ZBTB6: variants seen among roughly 807,000 people sequenced by gnomAD.
The protein encoded by ZBTB6 is zinc finger and BTB domain containing 6.
In ZBTB6, 11 loss-of-function variants were observed where a neutral mutation model predicts 30.6. The ratio of observed to expected loss-of-function variants is 0.36; its 90% CI spans 0.23 to 0.60. ZBTB6 has a LOEUF of 0.60. ZBTB6 is among the 20% of genes least tolerant of loss of function. ZBTB6 has a pLI of 0.75. For missense variants in ZBTB6, 380 were observed against 489.4 expected (o/e 0.78, Z 2.11); for synonymous variants, 174 against 172.0 (o/e 1.01, Z -0.09).
rs765684059 is a variant in ZBTB6 at position 122,911,664 on chromosome 9, T to G, written c.409A>C (p.Asn137His). Residue 137 changes from asparagine to histidine, a missense_variant, in exon 2 of 2, where the codon AAC (asparagine) becomes CAC (histidine). By Grantham distance (68) the Asn-to-His change is moderately conservative. Transcript: ENST00000373659. The surrounding 1 kb of genome is among the most constrained non-coding windows in gnomAD (Gnocchi z 4.5). ...GACTGACACAGGTCAGTGTGTTGGT[T>G]GTTGTTTTTCATAGAAAGATCAATT... is the stretch of plus-strand genomic sequence containing the variant. ...LEIDLSMKNN[N>H]QHTDLCQSSD... The G allele has an allele frequency of 2.5e-6, 4 of 1,613,700 alleles. No homozygotes were observed. In the South Asian group the frequency reaches 3.3e-5, roughly 13 times the overall value.
At chr9:122,912,134 C>T (rs769062321) in intron 1 of ZBTB6, 53 bp from the exon 2 acceptor site, 88 of 1,524,452 alleles carry the variant, frequency 5.8e-5, no homozygotes, top group Non-Finnish European at 7.7e-5. Context: ...GAATGCTTTC[C>T]CATGCTGTAA....
chr9:122,911,866 A>T lies in ZBTB6; in HGVS notation c.207T>A (p.His69Gln), dbSNP rs1377247518. 1 of 1,614,208 alleles carries T rather than the reference A, an allele frequency of 6.2e-7. No individual in the cohort carries two copies. The highest frequency in any genetic ancestry group is 8.5e-7 in the Non-Finnish European group (1 of 1,180,034). ...CACTCTGTAAGATGGTGATTCTGAC[A>T]TGTTTTGACTGTGTGAGTAAAAACT... ...RDQFLLTQSK[H>Q]VRITILQSAE... Residue 69 changes from histidine to glutamine, a missense_variant, in exon 2 of 2, where the codon CAT (histidine) becomes CAA (glutamine). His to Gln is a conservative substitution (Grantham distance 24). Coordinates refer to ENST00000373659, the MANE Select transcript of ZBTB6 (RefSeq NM_006626.6). This position sits in a 1 kb window ranked among gnomAD's most constrained non-coding sequence, Gnocchi z 4.5.
chr9:122,908,886 G>C lies in ZBTB6; in HGVS notation c.*1912C>G, dbSNP rs1431989158. 1.3e-5 allele frequency: 2 copies of C among 152,122 alleles called. No homozygotes were observed. Among genetic ancestry groups the C allele is most frequent in the African/African-American group, 2.4e-5 (1 of 41,432 alleles). The allele number at this position is 152,122 out of a possible 1,614,324, so 9.4% of individuals were successfully genotyped here. Reference sequence around the variant, plus strand: ...TAAAGACACAAAACCGTCCTCTCTTGCTTTCCCCTCTTCTGTTCTCAGGAA... The same window carrying C: ...TAAAGACACAAAACCGTCCTCTCTTCCTTTCCCCTCTTCTGTTCTCAGGAA... On this transcript the variant is annotated 3_prime_UTR_variant, in exon 2 of 2. Transcript: ENST00000373659.
At chr9:122,912,689 C>G (rs985622530) in intron 1 of ZBTB6, among the ~76,000 whole-genome samples, 3 of 152,160 alleles carry the variant, frequency 2.0e-5, no homozygotes, top group African/African-American at 7.2e-5. Context: ...ACCTCCGGGA[C>G]AGTCCAGATT....
intron 1 of ZBTB6, among the ~76,000 whole-genome samples, chr9:122,912,903 C>T (rs1377623920): frequency 2.0e-5 from 3 of 152,164 alleles, no homozygotes; most frequent in African/African-American, 7.2e-5. Flanking sequence ...CTCCTTTAAG[C>T]CCAAATCAAG....
rs1300566319 is a variant in ZBTB6, at chr9:122,911,754, C to T, written c.319G>A (p.Ala107Thr). 1.9e-6 allele frequency: 3 copies of T among 1,614,068 alleles called. No homozygotes were observed. Among genetic ancestry groups the T allele is most frequent in the Non-Finnish European group, 2.5e-6 (3 of 1,180,054 alleles). ...RKELLKYLTAASYLQMVHIVE... is the reference protein window; with the variant it reads ...RKELLKYLTATSYLQMVHIVE... ...ATGTGAACCATCTGAAGGTAACTGGCAGCAGTCAAGTATTTCAAAAGCTCT... is the reference window on the plus strand; with the variant it reads ...ATGTGAACCATCTGAAGGTAACTGGTAGCAGTCAAGTATTTCAAAAGCTCT... Residue 107 changes from alanine to threonine, a missense_variant, in exon 2 of 2, where the codon GCC becomes ACC. Transcript: ENST00000373659. The surrounding 1 kb of genome is among the most constrained non-coding windows in gnomAD (Gnocchi z 4.5).
Position 122,909,627 on chromosome 9 carries a change from A to G in ZBTB6, c.*1171T>C, listed in dbSNP as rs1832934020. The stretch of plus-strand genomic sequence containing the variant: ...ATTAATGTAAATGAAAAAATACAAC[A>G]CTAATAGCTACACCTTTTTAAATTG... On this transcript the variant is annotated 3_prime_UTR_variant, in exon 2 of 2. Transcript: ENST00000373659. 1 of 152,248 alleles carries G rather than the reference A, an allele frequency of 6.6e-6. No homozygotes were observed. Among genetic ancestry groups the G allele is most frequent in the African/African-American group, 2.4e-5 (1 of 41,464 alleles). The allele number at this position is 152,248 out of a possible 1,614,324, so 9.4% of individuals were successfully genotyped here.
rs1216777310 is a variant in ZBTB6 at position 122,909,990 on chromosome 9, A to G, written c.*808T>C. 6.6e-6 allele frequency: 1 copy of G among 152,204 alleles called. No homozygotes were observed. The highest frequency in any genetic ancestry group is 1.5e-5 in the Non-Finnish European group (1 of 68,036). 9.4% of individuals were successfully genotyped at this position (152,204 alleles called of 1,614,324 possible). A position where few individuals can be genotyped will look rare whatever the true frequency, so the allele number is the denominator to read the frequency against. ...AAATTTCAATTTTACTTCATGTTAA[A>G]TAAAAAATAAAATAGAGAGGAACTT... On this transcript the variant is annotated 3_prime_UTR_variant, in exon 2 of 2. Transcript: ENST00000373659.
chr9:122,908,627 C>T lies in ZBTB6; in HGVS notation c.*2171G>A, dbSNP rs911613529. ...CCTCCCATCTCCATCCTTCCCCCTT[C>T]CCCCCACGCCATTTTATAATAGGAA... On this transcript the variant is annotated 3_prime_UTR_variant, in exon 2 of 2. Coordinates refer to ENST00000373659, the MANE Select transcript of ZBTB6 (RefSeq NM_006626.6). 1 of 152,320 alleles carries T rather than the reference C, an allele frequency of 6.6e-6. No homozygotes were observed. Among genetic ancestry groups the T allele is most frequent in the Non-Finnish European group, 1.5e-5 (1 of 68,004 alleles). The allele number at this position is 152,320 out of a possible 1,614,324, so 9.4% of individuals were successfully genotyped here.
intron 1 of ZBTB6, among the ~76,000 whole-genome samples, chr9:122,912,327 G>A (rs772836184): frequency 4.6e-5 from 7 of 152,110 alleles, no homozygotes; most frequent in Non-Finnish European, 1.0e-4. Flanking sequence ...GAATTGTAGT[G>A]AACAGTTTCT....
rs781422328 is a variant in ZBTB6, at chr9:122,911,980, T to C, written c.93A>G (p.Leu31=). ...TAATGTAAATTGATACATCACAAAA[T>C]AAATTCTGCTGTCTCAAAAGATTCA... ...QKMNLLRQQN[L]FCDVSIYIND... The change falls in exon 2 of 2, where the codon TTA becomes TTG. Residue 31 remains leucine, a synonymous_variant. Transcript: ENST00000373659. The surrounding 1 kb of genome is among the most constrained non-coding windows in gnomAD (Gnocchi z 4.5). 1.2e-6 allele frequency: 2 copies of C among 1,614,174 alleles called. No homozygotes were observed. Among genetic ancestry groups the C allele is most frequent in the South Asian group, 2.2e-5 (2 of 91,080 alleles).
At position 122,911,280 on chromosome 9, in the gene ZBTB6, C is replaced by A; in HGVS notation, c.793G>T (p.Ala265Ser). 1 of 1,614,096 alleles carries A rather than the reference C, an allele frequency of 6.2e-7. No individual in the cohort carries two copies. ...LINSTVESRVAEVPGNQDQGL... is the reference protein window; with the variant it reads ...LINSTVESRVSEVPGNQDQGL... Reference sequence around the variant, plus strand: ...TGATCTTGATTCCCAGGAACTTCAGCCACTCTGCTCTCAACTGTAGAATTG... The same window carrying A: ...TGATCTTGATTCCCAGGAACTTCAGACACTCTGCTCTCAACTGTAGAATTG... The change falls in exon 2 of 2, where the codon GCT (alanine) becomes TCT (serine). Residue 265 changes from alanine to serine, a missense_variant. Transcript: ENST00000373659. This position sits in a 1 kb window ranked among gnomAD's most constrained non-coding sequence, Gnocchi z 4.5.
chr9:122,912,174 T>A, intron 1 of ZBTB6, 93 bp from the exon 2 acceptor site: 1 of 1,264,034 alleles, frequency 7.9e-7, no homozygotes, highest in Non-Finnish European at 1.1e-6. Flanking sequence ...ACCCCAAACC[T>A]GAATTAGGAA....
intron 1 of ZBTB6, among the ~76,000 whole-genome samples, 200 bp from the exon 2 acceptor site, chr9:122,912,281 C>T (rs1174319136): frequency 6.6e-6 from 1 of 152,164 alleles, no homozygotes; most frequent in Admixed American, 6.5e-5. Context: ...TCTCATAGCA[C>T]ATTTTTCATA....
intron 1 of ZBTB6, among the ~76,000 whole-genome samples, chr9:122,912,771 C>T (rs929540957): frequency 6.6e-6 from 1 of 152,196 alleles, no homozygotes; most frequent in Non-Finnish European, 1.5e-5. Context: ...ACCTTCTATT[C>T]TCTTTTTCAT....
At position 122,908,257 on chromosome 9, in the gene ZBTB6, AAT is replaced by A. The variant is rs745880679; in HGVS notation, c.*2539_*2540del. Reference sequence around the variant, plus strand: ...ATATCAGAAACATAAACTAAATGTGAATATGTTAAATGAATAAATTCTATACT... The same window carrying A: ...ATATCAGAAACATAAACTAAATGTGAATGTTAAATGAATAAATTCTATACT... On this transcript the variant is annotated 3_prime_UTR_variant, in exon 2 of 2. Transcript: ENST00000373659. 1 of 152,234 alleles carries A rather than the reference AAT, an allele frequency of 6.6e-6. No individual in the cohort carries two copies. Among genetic ancestry groups the A allele is most frequent in the African/African-American group, 2.4e-5 (1 of 41,458 alleles). The allele number at this position is 152,234 out of a possible 1,614,324, so 9.4% of individuals were successfully genotyped here.
chr9:122,911,338 G>A lies in ZBTB6; in HGVS notation c.735C>T (p.Ser245=). The part of the protein sequence containing the change: ...FSQPCTSSKA[S]MYFSETQHSL... ...AATGCTGTGTTTCAGAGAAATACATGCTTGCTTTTGAAGAGGTACAAGGCT... is the reference window on the plus strand; with the variant it reads ...AATGCTGTGTTTCAGAGAAATACATACTTGCTTTTGAAGAGGTACAAGGCT... Residue 245 remains serine (S), a synonymous_variant, in exon 2 of 2, where the codon AGC becomes AGT. Transcript: ENST00000373659. This position sits in a 1 kb window ranked among gnomAD's most constrained non-coding sequence, Gnocchi z 4.5. 6.2e-7 allele frequency: 1 copy of A among 1,614,122 alleles called. No individual in the cohort carries two copies. The highest frequency in any genetic ancestry group is 1.3e-5 in the African/African-American group (1 of 75,046).
rs1167398121 is a variant in ZBTB6 at position 122,912,020 on chromosome 9, A to G, written c.53T>C (p.Val18Ala). 5.6e-6 allele frequency: 9 copies of G among 1,614,000 alleles called. No homozygotes were observed. Among genetic ancestry groups the G allele is most frequent in the Non-Finnish European group, 7.6e-6 (9 of 1,180,002 alleles). ...LHFQFEQQGD[V>A]VLQKMNLLRQ... The stretch of plus-strand genomic sequence containing the variant: ...CAAAAGATTCATTTTCTGCAAGACC[A>G]CATCTCCTTGCTGTTCAAACTGGAA... The change falls in exon 2 of 2, where the codon GTG becomes GCG. Residue 18 changes from valine to alanine, a missense_variant. Coordinates refer to ENST00000373659, the MANE Select transcript of ZBTB6 (RefSeq NM_006626.6).
Position 122,910,720 on chromosome 9 carries a change from TTACAAATGCTGCATCTC to T in ZBTB6, c.*61_*77del. ...AAACAAAGATTGGGGGGATGAAATA[TTACAAATGCTGCATCTC>T]TACAGAAAGACTTGCGTAATAGAAT... is the stretch of plus-strand genomic sequence containing the variant. On this transcript the variant is annotated 3_prime_UTR_variant, in exon 2 of 2. Transcript: ENST00000373659. 1 of 1,323,908 alleles carries T rather than the reference TTACAAATGCTGCATCTC, an allele frequency of 7.6e-7. No individual in the cohort carries two copies. 82.0% of individuals were successfully genotyped at this position (1,323,908 alleles called of 1,614,324 possible). A position where few individuals can be genotyped will look rare whatever the true frequency, so the allele number is the denominator to read the frequency against.
Sources: allele counts gnomAD v4.1 joint callset (sites outside exome capture counted in the v4.1 genomes callset), GRCh38; gene constraint gnomAD v4.1.1; non-coding constraint Gnocchi (gnomAD v3.1); transcripts MANE v1.5; gene names NCBI Gene and HGNC (gene_info 2026-07-23, HGNC 2026-07-21).